CEP290: variants seen among roughly 807,000 people sequenced by gnomAD.
CEP290 encodes the protein centrosomal protein 290, also known as centrosomal protein of 290 kDa.
A neutral mutation model predicts 344.9 loss-of-function variants in CEP290; 317 were observed. The ratio of observed to expected loss-of-function variants is 0.92; its 90% CI spans 0.84 to 1.01. CEP290 has a LOEUF of 1.01. Among genes scored for constraint, CEP290 ranks in the 50% least tolerant of loss-of-function variants. The pLI, the probability that CEP290 is intolerant of heterozygous loss-of-function variation, is 0.00. For synonymous variants in CEP290, 932 were observed against 895.8 expected, an observed-to-expected ratio of 1.04 and a Z score of -0.72; for missense variants, 2,754 against 2,761.4, an observed-to-expected ratio of 1.00 and a Z score of 0.06.
chr12:88,067,227 A>G (rs745355819), intron 44 of CEP290, among the ~76,000 whole-genome samples: 8 of 150,482 alleles, frequency 5.3e-5, no homozygotes, highest in Non-Finnish European at 1.0e-4. Context: ...AAAAAAAAAA[A>G]GCACTAAATT....
intron 6 of CEP290, among the ~76,000 whole-genome samples, chr12:88,131,483 G>A (rs1438220235): frequency 6.6e-6 from 1 of 151,946 alleles, no homozygotes; most frequent in African/African-American, 2.4e-5. Flanking sequence ...GGCTGGTCTT[G>A]AACTCCTGGC....
In CEP290 at chr12:88,093,798, T is replaced by C; in HGVS notation, c.3281A>G (p.Asn1094Ser). ...RTSLKQMEER[N>S]FELETKFAEL... The stretch of plus-strand genomic sequence containing the variant: ...AGCAAATTTGGTTTCCAATTCAAAA[T>C]TACGTTCCTCCATTTGCTTTAACGA... Residue 1094 changes from asparagine to serine, a missense_variant, in exon 28 of 54, where the codon AAT becomes AGT. By Grantham distance (46) the Asn-to-Ser change is conservative. Coordinates refer to ENST00000552810, the MANE Select transcript of CEP290 (RefSeq NM_025114.4). 1 of 1,610,860 alleles carries C rather than the reference T, an allele frequency of 6.2e-7. No individual in the cohort carries two copies. The highest frequency in any genetic ancestry group is 8.5e-7 in the Non-Finnish European group (1 of 1,178,196).
chr12:88,108,285 G>A (rs530996120), intron 23 of CEP290, among the ~76,000 whole-genome samples: 159 of 152,116 alleles, frequency 1.0e-3, no homozygotes, highest in African/African-American at 3.3e-3. Context: ...AAATGAGATC[G>A]GAGTCAATGT....
intron 11 of CEP290, among the ~76,000 whole-genome samples, chr12:88,128,647 T>G (rs1406623393): frequency 1.1e-4 from 16 of 152,124 alleles, no homozygotes. Flanking sequence ...AGTAAAAAAA[T>G]TTAAATTATA....
chr12:88,126,261 AG>A, intron 12 of CEP290, 54 bp downstream of exon 12: 1 of 1,356,786 alleles, frequency 7.4e-7, no homozygotes, highest in South Asian at 1.8e-5. Context: ...GACATCGTTC[AG>A]AGTTCCAACT....
At chr12:88,070,551 A>G (rs1242004760) in intron 43 of CEP290, among the ~76,000 whole-genome samples, 1 of 152,126 alleles carries the variant, frequency 6.6e-6, no homozygotes, top group African/African-American at 2.4e-5. Context: ...AGAGGCTGCA[A>G]TGGGAACTCA....
At chr12:88,057,021 G>A (rs2034063230) in intron 49 of CEP290, among the ~76,000 whole-genome samples, 1 of 152,050 alleles carries the variant, frequency 6.6e-6, no homozygotes, top group Admixed American at 6.5e-5. Flanking sequence ...AAGGCTTATG[G>A]TATGCTCAGT....
At position 88,129,865 on chromosome 12, in the gene CEP290, TTC is replaced by T. The variant is rs62640578; in HGVS notation, c.679_680del (p.Glu227SerfsTer2). On this transcript the variant is annotated frameshift_variant, in exon 10 of 54. Transcript: ENST00000552810. LOFTEE classifies it high-confidence loss of function. ...QYLDEIQTLT[E>X]ANEKIEVQNQ... ...TCTGAACTTCAATTTTCTCATTAGC[TTC>T]TGTTAAAGTCTAAAAAAGTTAAAGA... The T allele has an allele frequency of 6.9e-7, 1 of 1,454,828 alleles. No individual in the cohort carries two copies. The highest frequency in any genetic ancestry group is 9.1e-7 in the Non-Finnish European group (1 of 1,103,236). The allele number at this position is 1,454,828 out of a possible 1,614,324, so 90.1% of individuals were successfully genotyped here.
In CEP290 at chr12:88,084,925, T is replaced by C. The variant is rs1193281812; in HGVS notation, c.4438-73A>G. The C allele has an allele frequency of 2.5e-6, 3 of 1,209,750 alleles. No individual in the cohort carries two copies. The African/African-American group carries it at 4.6e-5, about 19-fold the overall frequency. The allele number at this position is 1,209,750 out of a possible 1,614,324, so 74.9% of individuals were successfully genotyped here. ...TAAAATGCTTCATCTGAATTTTAGA[T>C]TAGTTATTAGCCAAAAAAAATTCAC... On this transcript the variant is annotated intron_variant, in intron 34 of 53. Coordinates refer to ENST00000552810, the MANE Select transcript of CEP290 (RefSeq NM_025114.4).
At position 88,077,834 on chromosome 12, in the gene CEP290, CAGTT is replaced by C. The variant is rs749331348; in HGVS notation, c.5445_5448del (p.Thr1816IlefsTer3). On this transcript the variant is annotated frameshift_variant, in exon 40 of 54. Transcript: ENST00000552810. LOFTEE classifies it high-confidence loss of function. ...TCATTATTTAAGTCATTCAAATTAT[CAGTT>C]AGTGAGTTTTCTCTGTTTTTACTTG... 1.0e-5 allele frequency: 15 copies of C among 1,506,968 alleles called. No individual in the cohort carries two copies. Among genetic ancestry groups the C allele is most frequent in the South Asian group, 3.7e-5 (3 of 82,056 alleles). The allele number at this position is 1,506,968 out of a possible 1,614,324, so 93.3% of individuals were successfully genotyped here.
chr12:88,141,639 T>G (rs376108469), intron 1 of CEP290, among the ~76,000 whole-genome samples: 2 of 152,058 alleles, frequency 1.3e-5, no homozygotes, highest in African/African-American at 4.8e-5. Flanking sequence ...GCGAACACCC[T>G]AATCCTGGCA....
At chr12:88,128,789 C>T (rs2039885303) in intron 11 of CEP290, among the ~76,000 whole-genome samples, 157 bp downstream of exon 11, 1 of 151,914 alleles carries the variant, frequency 6.6e-6, no homozygotes, top group African/African-American at 2.4e-5. Context: ...AAGGACAGTT[C>T]TAGAGCTTTT....
At chr12:88,140,465 C>T (rs1459301956) in intron 3 of CEP290, among the ~76,000 whole-genome samples, 1 of 152,208 alleles carries the variant, frequency 6.6e-6, no homozygotes, top group East Asian at 1.9e-4. Context: ...CTGCTACAAA[C>T]TTGCTGCACC....
At chr12:88,091,402 C>CAA (rs11318141) in intron 29 of CEP290, among the ~76,000 whole-genome samples, 1 of 138,960 alleles carries the variant, frequency 7.2e-6, no homozygotes, top group African/African-American at 2.7e-5. Flanking sequence ...AATAAAATTA[C>CAA]AAAAAAAAAA....
At chr12:88,121,848 A>C (rs1265885258) in intron 13 of CEP290, among the ~76,000 whole-genome samples, 1 of 152,082 alleles carries the variant, frequency 6.6e-6, no homozygotes, top group Non-Finnish European at 1.5e-5. Flanking sequence ...TAGAGAAATA[A>C]ATTTCTATCT....
At position 88,140,835 on chromosome 12, in the gene CEP290, C is replaced by T; in HGVS notation, c.180+121G>A. On this transcript the variant is annotated intron_variant, in intron 3 of 53. Transcript: ENST00000552810. ...ACTTAATTCACATTTAAATATATTG[C>T]ATTTTTTAGTGGTGATGTAGATATT... 8.1e-6 allele frequency: 5 copies of T among 618,010 alleles called. No individual in the cohort carries two copies. In the South Asian group the frequency reaches 1.1e-4, roughly 13 times the overall value. 38.3% of individuals were successfully genotyped at this position (618,010 alleles called of 1,614,324 possible).
At position 88,131,014 on chromosome 12, in the gene CEP290, C is replaced by T. The variant is rs560947536; in HGVS notation, c.495+151G>A. ...TCACATTTTGCTTTGTTTTCTATTTCCCTGAGACAAAGTCATACCATAAAA... is the reference window on the plus strand; with the variant it reads ...TCACATTTTGCTTTGTTTTCTATTTTCCTGAGACAAAGTCATACCATAAAA... On this transcript the variant is annotated intron_variant, in intron 7 of 53. Coordinates refer to ENST00000552810, the MANE Select transcript of CEP290 (RefSeq NM_025114.4). The T allele has an allele frequency of 3.5e-5, 20 of 579,196 alleles. No homozygotes were observed. The Admixed American group carries it at 4.6e-4, about 13-fold the overall frequency. 35.9% of individuals were successfully genotyped at this position (579,196 alleles called of 1,614,324 possible).
chr12:88,126,990 A>G (rs982091155), intron 11 of CEP290, among the ~76,000 whole-genome samples: 1 of 93,848 alleles, frequency 1.1e-5, no homozygotes, highest in Non-Finnish European at 2.4e-5. Context: ...AAAAATATTC[A>G]TAAAGAAGTC....
intron 8 of CEP290, 41 bp from the exon 9 acceptor site, chr12:88,130,461 C>T: frequency 1.9e-6 from 3 of 1,596,600 alleles, no homozygotes; most frequent in Non-Finnish European, 2.6e-6. Context: ...CAAAACTATT[C>T]AGAATAACAA....
Sources: gnomAD v4.1 joint callset for allele counts (sites outside exome capture counted in the v4.1 genomes callset) on GRCh38, gnomAD v4.1.1 for gene constraint, MANE v1.5 for transcripts, NCBI Gene and HGNC (gene_info 2026-07-23, HGNC 2026-07-21) for gene names.